The following FIRRM variants were observed in gnomAD, a reference collection of about 807,000 sequenced individuals.
The protein encoded by FIRRM is FIGNL1-interacting regulator of recombination and mitosis.
chr1:169,821,944 A>C, the FIRRM span, among the ~76,000 whole-genome samples: 1 of 152,152 alleles, frequency 6.6e-6, no homozygotes, highest in South Asian at 2.1e-4. Flanking sequence ...TTATGGTTAG[A>C]CTATGTCTTA....
At chr1:169,795,023 G>T in the FIRRM span, 6,014 of 1,111,334 alleles carry the variant, frequency 5.4e-3, 190 homozygotes, top group African/African-American at 0.078. Context: ...GGCGGAGAGC[G>T]CGCAAGGGTT....
the FIRRM span, chr1:169,843,787 A>C: frequency 2.0e-6 from 3 of 1,474,692 alleles, no homozygotes; most frequent in East Asian, 6.8e-5. Flanking sequence ...TAATGACCAG[A>C]TTGATACTTT....
the FIRRM span, among the ~76,000 whole-genome samples, chr1:169,808,768 C>T: frequency 6.6e-6 from 1 of 152,072 alleles, no homozygotes; most frequent in African/African-American, 2.4e-5. Context: ...CCACGCCTGG[C>T]TAATTTTTTT....
the FIRRM span, among the ~76,000 whole-genome samples, chr1:169,800,233 A>G: frequency 0.037 from 5,671 of 152,046 alleles, 177 homozygotes; most frequent in South Asian, 0.11. Flanking sequence ...TTTGGTAGAC[A>G]TGAGGTCTTG....
chr1:169,798,656 A>G, the FIRRM span, among the ~76,000 whole-genome samples: 2 of 152,210 alleles, frequency 1.3e-5, no homozygotes, highest in Non-Finnish European at 2.9e-5. Context: ...TGTCAAAAAT[A>G]TTTCATGACT....
chr1:169,794,942 T>C, the FIRRM span: 7 of 616,330 alleles, frequency 1.1e-5, no homozygotes, highest in South Asian at 5.9e-5. Flanking sequence ...GAAGCCCGAC[T>C]TTCTTTCCGG....
the FIRRM span, among the ~76,000 whole-genome samples, chr1:169,828,464 T>A: frequency 6.6e-6 from 1 of 152,282 alleles, no homozygotes; most frequent in South Asian, 2.1e-4. Context: ...TCAACACATA[T>A]TCCTTGCTTC....
the FIRRM span, among the ~76,000 whole-genome samples, chr1:169,832,848 T>C: frequency 6.6e-6 from 1 of 152,108 alleles, no homozygotes; most frequent in Admixed American, 6.6e-5. Context: ...GCTCAAGTGA[T>C]CCATCTCTGC....
the FIRRM span, chr1:169,851,468 G>A: frequency 1.1e-5 from 2 of 182,234 alleles, no homozygotes; most frequent in Non-Finnish European, 1.1e-5. Flanking sequence ...AAAGTCCTGG[G>A]ATTAGAGGCA....
At chr1:169,798,271 C>G in the FIRRM span, among the ~76,000 whole-genome samples, 1 of 150,374 alleles carries the variant, frequency 6.7e-6, no homozygotes, top group African/African-American at 2.4e-5. Context: ...ACAGCAAGAC[C>G]GTCTCTCTTT....
At chr1:169,832,280 C>T in the FIRRM span, 1 of 554,578 alleles carries the variant, frequency 1.8e-6, no homozygotes, top group Non-Finnish European at 3.2e-6. Context: ...AGAAAAGCCC[C>T]AAATTAAAAG....
chr1:169,829,317 C>G, the FIRRM span: 1 of 1,613,238 alleles, frequency 6.2e-7, no homozygotes, highest in Non-Finnish European at 8.5e-7. Context: ...CTGGTGAACT[C>G]TCTCTACCTG....
chr1:169,821,865 C>A, the FIRRM span: 1 of 664,558 alleles, frequency 1.5e-6, no homozygotes. Context: ...TAGCATATAA[C>A]TTGATCAAGT....
At chr1:169,800,526 A>G in the FIRRM span, among the ~76,000 whole-genome samples, 1 of 152,148 alleles carries the variant, frequency 6.6e-6, no homozygotes, top group South Asian at 2.1e-4. Context: ...CCTATCCATC[A>G]TTCTTCGTAC....
the FIRRM span, among the ~76,000 whole-genome samples, chr1:169,798,232 G>T: frequency 2.6e-5 from 4 of 151,692 alleles, no homozygotes; most frequent in East Asian, 5.8e-4. Context: ...AGTGAGGTGT[G>T]ATCATGTCAC....
At chr1:169,816,273 A>C in the FIRRM span, among the ~76,000 whole-genome samples, 2 of 152,210 alleles carry the variant, frequency 1.3e-5, no homozygotes, top group African/African-American at 2.4e-5. Flanking sequence ...CCAGATTTTC[A>C]CATTACCATC....
the FIRRM span, among the ~76,000 whole-genome samples, chr1:169,799,848 T>A: frequency 5.3e-5 from 8 of 152,134 alleles, no homozygotes; most frequent in Non-Finnish European, 1.2e-4. Context: ...CCGCTGAGCC[T>A]GGCCCCAGAG....
At chr1:169,813,725 T>A in the FIRRM span, among the ~76,000 whole-genome samples, 1 of 152,210 alleles carries the variant, frequency 6.6e-6, no homozygotes, top group African/African-American at 2.4e-5. Flanking sequence ...ATATTACATA[T>A]AGCTCTTCAA....
the FIRRM span, chr1:169,795,619 A>C: frequency 2.0e-6 from 2 of 998,134 alleles, no homozygotes; most frequent in East Asian, 1.1e-4. Context: ...AGGTAAAGCG[A>C]GATACTCTGA....
Sources: allele counts gnomAD v4.1 joint callset (sites outside exome capture counted in the v4.1 genomes callset), GRCh38; gene constraint gnomAD v4.1.1; transcripts MANE v1.5; gene names NCBI Gene and HGNC (gene_info 2026-07-23, HGNC 2026-07-21).